ZC3H13: variants seen among roughly 807,000 people sequenced by gnomAD.
The protein encoded by ZC3H13 is zinc finger CCCH-type containing 13.
A neutral mutation model predicts 204.1 loss-of-function variants in ZC3H13; 64 were observed. The observed-to-expected ratio is 0.31, with a 90% CI of 0.26 to 0.39. The LOEUF is 0.39. Among genes scored for constraint, ZC3H13 ranks in the 10% least tolerant of loss-of-function variants. The pLI is 1.00. For missense variants in ZC3H13, 1,833 were observed against 2,082.7 expected (o/e 0.88, Z 2.33); for synonymous variants, 667 against 693.7 (o/e 0.96, Z 0.60).
intron 5 of ZC3H13, among the ~76,000 whole-genome samples, chr13:46,016,476 C>T (rs1325880068): frequency 6.6e-6 from 1 of 152,016 alleles, no homozygotes; most frequent in Non-Finnish European, 1.5e-5. Context: ...AAGCTAGGCA[C>T]AAAAAGAGTA....
chr13:46,001,138 TAC>T (rs1261439192), intron 8 of ZC3H13: 1 of 152,202 alleles, frequency 6.6e-6, no homozygotes, highest in Non-Finnish European at 1.5e-5. Flanking sequence ...TTTCAAGAAT[TAC>T]AGAGACACAA....
chr13:45,975,969 T>C lies in ZC3H13; in HGVS notation c.1913-131A>G, dbSNP rs181726259. 5.2e-4 allele frequency: 727 copies of C among 1,390,924 alleles called. 10 individuals carry two copies. The Admixed American group carries it at 0.019, about 35-fold the overall frequency. 86.2% of individuals were successfully genotyped at this position (1,390,924 alleles called of 1,614,324 possible). ...ACAAATTACAAACCAAGTAGCATAT[T>C]TAATTTTAACTTAATATCCAAGTAA... On this transcript the variant is annotated intron_variant, in intron 11 of 18. Coordinates refer to ENST00000679008, the MANE Select transcript of ZC3H13 (RefSeq NM_001330564.2).
intron 11 of ZC3H13, among the ~76,000 whole-genome samples, chr13:45,977,431 A>G (rs796332533): frequency 2.0e-5 from 3 of 152,290 alleles, no homozygotes; most frequent in African/African-American, 7.2e-5. Flanking sequence ...CAAAATATCA[A>G]TGCTACTTTC....
intron 4 of ZC3H13, among the ~76,000 whole-genome samples, chr13:46,025,198 TA>T (rs2042466730): frequency 6.6e-6 from 1 of 152,242 alleles, no homozygotes; most frequent in Admixed American, 6.5e-5. Flanking sequence ...ATATTTATTA[TA>T]TTGACATCAG....
chr13:45,967,798 G>A lies in ZC3H13; in HGVS notation c.4027C>T (p.Arg1343Ter). ...RNRDRDRLRE[R>*]ERERERDKRR... ...TTGTCTCGTTCTCTCTCTCGTTCTC[G>A]TTCTCGCAATCTATCTCGATCCCTG... The change falls in exon 15 of 19, where the codon CGA (arginine) becomes TGA (stop). Residue 1343 changes from arginine to a stop codon, truncating the protein, a stop_gained. Coordinates refer to ENST00000679008, the MANE Select transcript of ZC3H13 (RefSeq NM_001330564.2). LOFTEE classifies it high-confidence loss of function. 2 of 1,612,290 alleles carry A rather than the reference G, an allele frequency of 1.2e-6. No homozygotes were observed. Among genetic ancestry groups the A allele is most frequent in the Non-Finnish European group, 8.5e-7 (1 of 1,179,170 alleles).
chr13:46,024,902 G>C (rs929197056), intron 4 of ZC3H13, among the ~76,000 whole-genome samples: 1 of 152,126 alleles, frequency 6.6e-6, no homozygotes, highest in Non-Finnish European at 1.5e-5. Context: ...TTCTACACCA[G>C]TGCAATTAAC....
Position 45,967,906 on chromosome 13 carries a change from G to C in ZC3H13, c.3919C>G (p.His1307Asp). 6.2e-7 allele frequency: 1 copy of C among 1,613,780 alleles called. No homozygotes were observed. Among genetic ancestry groups the C allele is most frequent in the Non-Finnish European group, 8.5e-7 (1 of 1,179,894 alleles). The part of the protein sequence containing the change: ...DRLQERDRYE[H>D]DRERERERRD... ...CTCTCTCTCTCGCGCTCTCTGTCGT[G>C]TTCATATCGATCTCGTTCTTGAAGC... The change falls in exon 15 of 19, where the codon CAC becomes GAC. Residue 1307 changes from histidine (H) to aspartate (D), a missense_variant. Physicochemically the swap from His to Asp is moderately conservative, Grantham distance 81. Coordinates refer to ENST00000679008, the MANE Select transcript of ZC3H13 (RefSeq NM_001330564.2).
chr13:46,028,435 T>C (rs780348433), intron 4 of ZC3H13, among the ~76,000 whole-genome samples: 3 of 152,272 alleles, frequency 2.0e-5, no homozygotes, highest in East Asian at 3.9e-4. Flanking sequence ...AAAAACACAG[T>C]TGAACTCAAC....
rs1952194732 is a variant in ZC3H13, at chr13:45,967,516, C to T, written c.4309G>A (p.Glu1437Lys). Residue 1437 changes from glutamate to lysine, a missense_variant, in exon 15 of 19, where the codon GAG (glutamate) becomes AAG (lysine). Coordinates refer to ENST00000679008, the MANE Select transcript of ZC3H13 (RefSeq NM_001330564.2). ...AGGTAGCACTCACCTTCCAGACTCT[C>T]AGTTCTCTCGGATTTATTTGTTTCT... ...FEETNKSERT[E>K]SLEAGDDESK... is the part of the protein sequence containing the mutation. The T allele has an allele frequency of 6.4e-7, 1 of 1,552,450 alleles. No homozygotes were observed. Among genetic ancestry groups the T allele is most frequent in the East Asian group, 2.3e-5 (1 of 44,432 alleles).
intron 10 of ZC3H13, among the ~76,000 whole-genome samples, chr13:45,983,411 A>ATTT (rs1566202037): frequency 4.8e-4 from 10 of 20,650 alleles, no homozygotes; most frequent in African/African-American, 6.8e-4. Flanking sequence ...TTATATATAT[A>ATTT]TATTTTTTTT....
intron 7 of ZC3H13, among the ~76,000 whole-genome samples, chr13:46,005,984 ACTCAGGAGG>A (rs1040391487): frequency 6.6e-6 from 1 of 151,606 alleles, no homozygotes; most frequent in Non-Finnish European, 1.5e-5. Flanking sequence ...AATCCCAGCT[ACTCAGGAGG>A]CTGAGGCAGA....
chr13:45,981,171 CAA>C (rs1171950655), intron 10 of ZC3H13, among the ~76,000 whole-genome samples: 1 of 152,120 alleles, frequency 6.6e-6, no homozygotes, highest in African/African-American at 2.4e-5. Context: ...CTGGCAAAAA[CAA>C]AGACAGAAAC....
At position 45,966,564 on chromosome 13, in the gene ZC3H13, C is replaced by G. The variant is rs368866791; in HGVS notation, c.4321+940G>C. ...CTATATTATCTGTGATCATAACCAGCAAATTATATATTTTAGAGATGAGGG... is the reference window on the plus strand; with the variant it reads ...CTATATTATCTGTGATCATAACCAGGAAATTATATATTTTAGAGATGAGGG... On this transcript the variant is annotated intron_variant, in intron 15 of 18. Coordinates refer to ENST00000679008, the MANE Select transcript of ZC3H13 (RefSeq NM_001330564.2). Among the ~76,000 whole-genome samples the G allele has an allele frequency of 9.9e-5, 15 of 152,136 alleles. No homozygotes were observed. In the East Asian group the frequency reaches 2.5e-3, roughly 25 times the overall value.
At chr13:46,040,742 T>G (rs2043521775) in intron 4 of ZC3H13, among the ~76,000 whole-genome samples, 1 of 152,062 alleles carries the variant, frequency 6.6e-6, no homozygotes, top group Admixed American at 6.6e-5. Flanking sequence ...AGAGAACACT[T>G]GTAACTCAAT....
rs779262302 is a variant in ZC3H13, at chr13:45,985,341, C to A, written c.1676G>T (p.Arg559Leu). The change falls in exon 10 of 19, where the codon CGA becomes CTA. Residue 559 changes from arginine to leucine, a missense_variant. Around this residue, in one of 5 missense-constraint regions of ZC3H13, gnomAD observed 1,574 missense variants for 1,757.2 expected, o/e 0.90. Coordinates refer to ENST00000679008, the MANE Select transcript of ZC3H13 (RefSeq NM_001330564.2). ...AACCCTCCCCCTACTTCGGCCCATTCGGTCATTTCTAATTTCACTTCGAGA... is the reference window on the plus strand; with the variant it reads ...AACCCTCCCCCTACTTCGGCCCATTAGGTCATTTCTAATTTCACTTCGAGA... Reference protein sequence around the residue: ...NESRSEIRNDRMGRSRGRVPE... With the variant: ...NESRSEIRNDLMGRSRGRVPE... The A allele has an allele frequency of 6.2e-7, 1 of 1,614,090 alleles. No individual in the cohort carries two copies. The highest frequency in any genetic ancestry group is 1.3e-5 in the African/African-American group (1 of 75,034).
At chr13:45,981,016 CAA>C (rs1279291667) in intron 10 of ZC3H13, among the ~76,000 whole-genome samples, 1 of 152,098 alleles carries the variant, frequency 6.6e-6, no homozygotes, top group East Asian at 1.9e-4. Context: ...TAAGGATAAA[CAA>C]AGTTTCCCTG....
At chr13:45,985,887 A>G in intron 9 of ZC3H13, 126 bp from the exon 10 acceptor site, 1 of 846,564 alleles carries the variant, frequency 1.2e-6, no homozygotes, top group Non-Finnish European at 1.8e-6. Flanking sequence ...TGCAAAAAAT[A>G]AAGAAGCTAA....
chr13:46,033,780 C>T (rs1014985355), intron 4 of ZC3H13, among the ~76,000 whole-genome samples: 1 of 151,820 alleles, frequency 6.6e-6, no homozygotes, highest in Admixed American at 6.6e-5. Flanking sequence ...AACAAAGAAA[C>T]TACAGAGGAT....
In ZC3H13 at chr13:46,045,404, C is replaced by T. The variant is rs1269157040; in HGVS notation, c.104G>A (p.Gly35Asp). The change falls in exon 2 of 19, where the codon GGC becomes GAC. Residue 35 changes from glycine to aspartate, a missense_variant. By Grantham distance (94) the Gly-to-Asp change is moderately conservative. Coordinates refer to ENST00000679008, the MANE Select transcript of ZC3H13 (RefSeq NM_001330564.2). ...GTGACAACTCACCTCTGCTGTACTG[C>T]CAGTGCTGGGTCCAAGCCTCTCAAA... ...SVFERLGPSTGSTAETQCRNW... is the reference protein window; with the variant it reads ...SVFERLGPSTDSTAETQCRNW... 1 of 1,613,750 alleles carries T rather than the reference C, an allele frequency of 6.2e-7. No individual in the cohort carries two copies. Among genetic ancestry groups the T allele is most frequent in the African/African-American group, 1.3e-5 (1 of 74,898 alleles).
Sources: gnomAD v4.1 joint callset for allele counts (sites outside exome capture counted in the v4.1 genomes callset) on GRCh38, gnomAD v4.1.1 for gene constraint, gnomAD v4.1.1 regional missense constraint, MANE v1.5 for transcripts, NCBI Gene and HGNC (gene_info 2026-07-23, HGNC 2026-07-21) for gene names.